RIT2: variants seen among roughly 807,000 people sequenced by gnomAD.
The protein encoded by RIT2 is Ras like without CAAX 2, also known as GTP-binding protein Rit2.
In RIT2, 24 loss-of-function variants were observed where a neutral mutation model predicts 23.7. That is an observed-to-expected ratio of 1.01 (90% CI 0.73 to 1.43). The LOEUF is 1.43. Among genes scored for constraint, RIT2 ranks in the 40% most tolerant of loss-of-function variants. The pLI is 0.00. For missense variants in RIT2, 236 were observed against 266.9 expected (o/e 0.88, Z 0.81); for synonymous variants, 107 against 91.1 (o/e 1.17, Z -0.99).
intron 1 of RIT2, among the ~76,000 whole-genome samples, chr18:43,081,279 T>C (rs1913151403): frequency 6.6e-6 from 1 of 152,208 alleles, no homozygotes. Context: ...TACAACACTT[T>C]ATAATTTATC....
rs1005348335 is a variant in RIT2, at chr18:42,872,183, G to T, written c.426+51389C>A. ...GTAACACTTTATTTTAATTACAAGT[G>T]ACAGGAAACCCTCTCAAACTGGCTA... On this transcript the variant is annotated intron_variant, in intron 4 of 4. Coordinates refer to ENST00000326695, the MANE Select transcript of RIT2 (RefSeq NM_002930.4). 3.9e-5 allele frequency among the ~76,000 whole-genome samples: 6 copies of T among 152,238 alleles called. 1 individual carries two copies. The highest frequency in any genetic ancestry group is 3.4e-3 in the Middle Eastern group (1 of 294).
intron 2 of RIT2, among the ~76,000 whole-genome samples, chr18:42,999,945 A>C (rs535878394): frequency 6.6e-6 from 1 of 152,068 alleles, no homozygotes; most frequent in South Asian, 2.1e-4. Context: ...ATTAGATTGT[A>C]AGGGAATATG....
At chr18:43,093,342 T>C (rs1342883889) in intron 1 of RIT2, among the ~76,000 whole-genome samples, 1 of 152,104 alleles carries the variant, frequency 6.6e-6, no homozygotes, top group Non-Finnish European at 1.5e-5. Flanking sequence ...TGGCAAAGCC[T>C]AACAGCTAGT....
At chr18:42,750,421 G>A (rs1598639382) in intron 4 of RIT2, among the ~76,000 whole-genome samples, 1 of 151,842 alleles carries the variant, frequency 6.6e-6, no homozygotes, top group East Asian at 1.9e-4. Flanking sequence ...CTTATAATTT[G>A]TCTGCTTTAT....
At chr18:42,841,634 CTCTGTGTACTTCCATAG>C (rs1906769732) in intron 4 of RIT2, among the ~76,000 whole-genome samples, 1 of 152,166 alleles carries the variant, frequency 6.6e-6, no homozygotes, top group South Asian at 2.1e-4. Flanking sequence ...AACTGAACTT[CTCTGTGTACTTCCATAG>C]CTACCATTCA....
rs1905838660 is a variant in RIT2, at chr18:42,811,104, T to C, written c.427-67384A>G. ...AGAGTAGATGACCTCAAAAGCCTCT[T>C]TTAATTCTTAGATATGATTGTTTCT... On this transcript the variant is annotated intron_variant, in intron 4 of 4. Coordinates refer to ENST00000326695, the MANE Select transcript of RIT2 (RefSeq NM_002930.4). 2.0e-5 allele frequency among the ~76,000 whole-genome samples: 3 copies of C among 152,022 alleles called. No homozygotes were observed. In the South Asian group the frequency reaches 6.2e-4, roughly 31 times the overall value.
rs139884065 is a variant in RIT2 at position 42,934,168 on chromosome 18, A to G, written c.235-10405T>C. On this transcript the variant is annotated intron_variant, in intron 3 of 4. Coordinates refer to ENST00000326695, the MANE Select transcript of RIT2 (RefSeq NM_002930.4). ...AAATATAGTAGGAAAAAATTTAAAT[A>G]TATAGAAAAAAATCATTGTTTGTTC... Among the ~76,000 whole-genome samples the G allele has an allele frequency of 4.7e-4, 71 of 152,148 alleles. 1 individual carries two copies. The highest frequency in any genetic ancestry group is 7.8e-4 in the Non-Finnish European group (53 of 68,000).
At chr18:43,072,143 G>A (rs918731180) in intron 1 of RIT2, among the ~76,000 whole-genome samples, 2 of 151,988 alleles carry the variant, frequency 1.3e-5, no homozygotes, top group East Asian at 1.9e-4. Context: ...GTGCCACCAC[G>A]GCCAGCTGAT....
chr18:42,800,531 T>G (rs1905503360), intron 4 of RIT2, among the ~76,000 whole-genome samples: 1 of 149,606 alleles, frequency 6.7e-6, no homozygotes, highest in South Asian at 2.1e-4. Flanking sequence ...TTTTTTTTTT[T>G]TTTTTCTTTT....
chr18:42,958,069 G>T (rs969874323), intron 3 of RIT2, among the ~76,000 whole-genome samples: 1 of 152,140 alleles, frequency 6.6e-6, no homozygotes, highest in Non-Finnish European at 1.5e-5. Flanking sequence ...TACTGTAACA[G>T]CTGATAAGAA....
chr18:43,038,313 GTTT>G lies in RIT2; in HGVS notation c.104-4449_104-4447del, dbSNP rs71175933. ...TTCTAGAACTTTTTATTGAATCGTG[GTTT>G]TTTTTTTTTTTTACATATTGTTGTT... On this transcript the variant is annotated intron_variant, in intron 1 of 4. Coordinates refer to ENST00000326695, the MANE Select transcript of RIT2 (RefSeq NM_002930.4). Among the ~76,000 whole-genome samples, 5 of 136,822 alleles carry G rather than the reference GTTT, an allele frequency of 3.7e-5. No homozygotes were observed. The East Asian group carries it at 1.1e-3, about 29-fold the overall frequency. 89.8% of individuals were successfully genotyped at this position (136,822 alleles called of 152,430 possible).
At chr18:43,072,979 C>G (rs929180526) in intron 1 of RIT2, among the ~76,000 whole-genome samples, 4 of 152,158 alleles carry the variant, frequency 2.6e-5, no homozygotes, top group Non-Finnish European at 4.4e-5. Flanking sequence ...GAATCATGCT[C>G]CCCATATACC....
chr18:43,016,186 CAG>C (rs1386925616), intron 2 of RIT2, among the ~76,000 whole-genome samples: 5 of 151,864 alleles, frequency 3.3e-5, no homozygotes, highest in Non-Finnish European at 5.9e-5. Context: ...ATGACTTTCA[CAG>C]ATTATATGCA....
intron 4 of RIT2, among the ~76,000 whole-genome samples, chr18:42,885,457 G>A (rs1422297194): frequency 6.6e-6 from 1 of 152,064 alleles, no homozygotes; most frequent in Non-Finnish European, 1.5e-5. Context: ...GTGGTGGCGG[G>A]CGCCTGTAGT....
intron 4 of RIT2, among the ~76,000 whole-genome samples, chr18:42,785,893 A>C (rs113799806): frequency 1.4e-4 from 21 of 152,270 alleles, no homozygotes; most frequent in African/African-American, 4.8e-4. Flanking sequence ...AGCTAACATG[A>C]ATCTGTACAC....
At chr18:42,756,566 A>G (rs1715887142) in intron 4 of RIT2, among the ~76,000 whole-genome samples, 1 of 152,206 alleles carries the variant, frequency 6.6e-6, no homozygotes, top group African/African-American at 2.4e-5. Context: ...TTTCTCCTAA[A>G]GATTTTGCTT....
At chr18:42,770,064 T>A (rs902203736) in intron 4 of RIT2, among the ~76,000 whole-genome samples, 2 of 151,748 alleles carry the variant, frequency 1.3e-5, no homozygotes, top group African/African-American at 4.8e-5. Flanking sequence ...GAAAGTGCAG[T>A]TTATGGCTGT....
intron 2 of RIT2, among the ~76,000 whole-genome samples, chr18:43,025,396 G>A (rs746400624): frequency 3.1e-4 from 47 of 151,952 alleles, no homozygotes; most frequent in African/African-American, 1.0e-3. Flanking sequence ...ACTAAAAATC[G>A]AACTACCATT....
chr18:42,893,267 G>A (rs1908232481), intron 4 of RIT2, among the ~76,000 whole-genome samples: 1 of 151,380 alleles, frequency 6.6e-6, no homozygotes, highest in Non-Finnish European at 1.5e-5. Context: ...AGTCTATGCT[G>A]TGCTGCTATA....
Sources: gnomAD v4.1 joint callset for allele counts (sites outside exome capture counted in the v4.1 genomes callset) on GRCh38, gnomAD v4.1.1 for gene constraint, MANE v1.5 for transcripts, NCBI Gene and HGNC (gene_info 2026-07-23, HGNC 2026-07-21) for gene names.